The following PCDH15 variants were observed in gnomAD, a reference collection of about 807,000 sequenced individuals.
The protein encoded by PCDH15 is protocadherin-15.
PCDH15 carries 129 observed loss-of-function variants against 178.5 expected under a neutral mutation model. The ratio of observed to expected loss-of-function variants is 0.72; its 90% CI spans 0.63 to 0.84. The LOEUF is 0.84. Ranked by LOEUF, PCDH15 falls within the 40% of genes least tolerant of loss-of-function variation. The probability of loss-of-function intolerance (pLI) is 0.00; values close to 1 mark genes in which losing one functional copy is unlikely to be tolerated. For synonymous variants in PCDH15, 800 were observed against 732.0 expected (o/e 1.09, Z -1.50); for missense variants, 2,230 against 2,099.9 (o/e 1.06, Z -1.21).
At chr10:55,139,522 G>A (rs1277810729) in intron 2 of PCDH15, among the ~76,000 whole-genome samples, 1 of 152,002 alleles carries the variant, frequency 6.6e-6, no homozygotes, top group Non-Finnish European at 1.5e-5. Flanking sequence ...TGTTCCAAAT[G>A]TTTCCACACC....
intron 2 of PCDH15, among the ~76,000 whole-genome samples, chr10:54,935,233 T>C (rs1837875831): frequency 6.6e-6 from 1 of 151,996 alleles, no homozygotes; most frequent in Non-Finnish European, 1.5e-5. Context: ...AGTATAATAA[T>C]AATAATATAA....
intron 2 of PCDH15, among the ~76,000 whole-genome samples, chr10:55,026,223 T>C (rs16906826): frequency 0.017 from 2,560 of 151,658 alleles, 74 homozygotes; most frequent in African/African-American, 0.058. Flanking sequence ...AGATTGCAGA[T>C]TTATGGAGGC....
chr10:55,525,181 C>T (rs1841276453), intron 2 of PCDH15, among the ~76,000 whole-genome samples: 1 of 151,626 alleles, frequency 6.6e-6, no homozygotes, highest in African/African-American at 2.4e-5. Context: ...AAGGTATAGG[C>T]AAGAGTAACA....
intron 29 of PCDH15, among the ~76,000 whole-genome samples, chr10:53,838,387 A>G (rs1278374460): frequency 6.6e-6 from 1 of 152,168 alleles, no homozygotes; most frequent in Non-Finnish European, 1.5e-5. Context: ...TAGGTTTGGA[A>G]AAACTTATTT....
At chr10:55,250,127 CTTAATTTAT>C (rs1841795403) in intron 1 of PCDH15, among the ~76,000 whole-genome samples, 1 of 151,782 alleles carries the variant, frequency 6.6e-6, no homozygotes, top group African/African-American at 2.4e-5. Context: ...GGTATTTTAA[CTTAATTTAT>C]TTAATTTATT....
intron 3 of PCDH15, among the ~76,000 whole-genome samples, chr10:54,453,998 G>T (rs2076648027): frequency 6.6e-6 from 1 of 151,320 alleles, no homozygotes; most frequent in Non-Finnish European, 1.5e-5. Flanking sequence ...CAATAGGTCT[G>T]AAATATAAAT....
intron 2 of PCDH15, among the ~76,000 whole-genome samples, chr10:54,937,068 C>A (rs757474730): frequency 6.6e-6 from 1 of 151,932 alleles, no homozygotes; most frequent in Non-Finnish European, 1.5e-5. Context: ...ATGTATTTAT[C>A]CACTTGTCTC....
chr10:54,627,777 C>T (rs2093597506), intron 2 of PCDH15, among the ~76,000 whole-genome samples: 1 of 152,124 alleles, frequency 6.6e-6, no homozygotes. Flanking sequence ...AAAAGCTGTG[C>T]TAGAATTTGT....
At chr10:55,333,863 A>G (rs1318072638) in intron 2 of PCDH15, among the ~76,000 whole-genome samples, 2 of 151,968 alleles carry the variant, frequency 1.3e-5, no homozygotes, top group African/African-American at 4.8e-5. Context: ...TAGCTTTTGT[A>G]TGGAACTAGT....
chr10:54,723,391 A>G (rs1337888221), intron 1 of PCDH15, among the ~76,000 whole-genome samples: 2 of 151,870 alleles, frequency 1.3e-5, no homozygotes, highest in Non-Finnish European at 2.9e-5. Flanking sequence ...GTGTACAAAA[A>G]TCAAGTCAAA....
intron 32 of PCDH15, chr10:53,823,342 G>A: frequency 6.2e-7 from 1 of 1,613,548 alleles, no homozygotes; most frequent in Non-Finnish European, 8.5e-7. Context: ...TGTTGAAAAT[G>A]GTAGAGAAGG....
At chr10:54,195,943 T>C in intron 10 of PCDH15, 54 bp from the exon 11 acceptor site, 2 of 1,530,734 alleles carry the variant, frequency 1.3e-6, no homozygotes, top group South Asian at 2.3e-5. Flanking sequence ...TGCTATCTTT[T>C]TGGAGTTTCA....
chr10:54,571,040 G>C (rs2089764463), intron 2 of PCDH15, among the ~76,000 whole-genome samples: 1 of 151,926 alleles, frequency 6.6e-6, no homozygotes, highest in Non-Finnish European at 1.5e-5. Flanking sequence ...TATCCAAAGT[G>C]AGGCAAAAGC....
intron 25 of PCDH15, among the ~76,000 whole-genome samples, chr10:53,905,393 G>A (rs541731822): frequency 1.3e-3 from 203 of 152,242 alleles, no homozygotes; most frequent in African/African-American, 4.7e-3. Context: ...GAGTGCAGTG[G>A]CACGATCTCG....
chr10:53,862,007 G>C (rs1236633774), intron 27 of PCDH15, among the ~76,000 whole-genome samples: 6 of 151,898 alleles, frequency 4.0e-5, no homozygotes, highest in Non-Finnish European at 7.4e-5. Flanking sequence ...CATGAAATCT[G>C]AAACCATGTT....
chr10:54,485,001 G>A (rs1325476353), intron 3 of PCDH15, among the ~76,000 whole-genome samples: 2 of 151,878 alleles, frequency 1.3e-5, no homozygotes, highest in Non-Finnish European at 2.9e-5. Flanking sequence ...AAGGCTACAG[G>A]AAGAGTGAGA....
At position 53,826,261 on chromosome 10, in the gene PCDH15, A is replaced by G. The variant is rs190275782; in HGVS notation, c.4367+1132T>C. On this transcript the variant is annotated intron_variant, in intron 32 of 37. Transcript: ENST00000644397. ...AGAATGTCATGCTTTAACCTATTAT[A>G]AATTCAGATTTTGTGTTAAAATAAT... Among the ~76,000 whole-genome samples the G allele has an allele frequency of 2.0e-5, 3 of 152,158 alleles. No individual in the cohort carries two copies. The East Asian group carries it at 5.8e-4, about 29-fold the overall frequency.
chr10:54,283,239 A>G (rs564475686), intron 8 of PCDH15, among the ~76,000 whole-genome samples: 57 of 152,286 alleles, frequency 3.7e-4, no homozygotes, highest in South Asian at 8.3e-4. Flanking sequence ...GAAGAGGAAT[A>G]GTAGAAGGAG....
intron 32 of PCDH15, among the ~76,000 whole-genome samples, chr10:53,820,542 C>T (rs1423720701): frequency 1.3e-5 from 2 of 151,946 alleles, no homozygotes; most frequent in African/African-American, 4.8e-5. Context: ...TCCATGCAAA[C>T]TTATATCTTC....
Sources: allele counts gnomAD v4.1 joint callset (sites outside exome capture counted in the v4.1 genomes callset), GRCh38; gene constraint gnomAD v4.1.1; transcripts MANE v1.5; gene names NCBI Gene and HGNC (gene_info 2026-07-23, HGNC 2026-07-21).